Variants in RAB14 observed in about 807,000 individuals in gnomAD.
RAB14 encodes RAB14, member RAS oncogene family, also known as ras-related protein Rab-14.
A neutral mutation model predicts 31.1 loss-of-function variants in RAB14; 3 were observed. The observed-to-expected ratio is 0.10, with a 90% CI of 0.04 to 0.25. The LOEUF (loss-of-function observed/expected upper bound fraction) is 0.25. Ranked by LOEUF, RAB14 falls within the 10% of genes least tolerant of loss-of-function variation. The pLI is 1.00. For synonymous variants in RAB14, 85 were observed against 84.9 expected, an observed-to-expected ratio of 1.00 and a Z score of 0.00; for missense variants, 111 against 260.1, an observed-to-expected ratio of 0.43 and a Z score of 3.94.
At chr9:121,198,950 C>T (rs994146428) in intron 1 of RAB14, among the ~76,000 whole-genome samples, 1 of 151,884 alleles carries the variant, frequency 6.6e-6, no homozygotes, top group Admixed American at 6.6e-5. Flanking sequence ...AAAAAAAAAC[C>T]TTACTTTTGA....
At position 121,190,521 on chromosome 9, in the gene RAB14, T is replaced by C. The variant is rs150501395; in HGVS notation, c.284+33A>G. 3,793 of 1,521,964 alleles carry C rather than the reference T, an allele frequency of 2.5e-3. 11 individuals are homozygous for C. The highest frequency in any genetic ancestry group is 8.7e-3 in the African/African-American group (622 of 71,310). 94.3% of individuals were successfully genotyped at this position (1,521,964 alleles called of 1,614,324 possible). ...TTAAATGCCCAAAGTAGATTTATTT[T>C]CCCCATATGAAGGTTGAAAAATTAT... is the stretch of plus-strand genomic sequence containing the variant. On this transcript the variant is annotated intron_variant, in intron 4 of 7. Transcript: ENST00000373840.
chr9:121,180,269 A>T lies in RAB14; in HGVS notation c.*1127T>A, dbSNP rs2053625878. 1 of 152,654 alleles carries T rather than the reference A, an allele frequency of 6.6e-6. No individual in the cohort carries two copies. Among genetic ancestry groups the T allele is most frequent in the Non-Finnish European group, 1.5e-5 (1 of 68,042 alleles). 9.5% of individuals were successfully genotyped at this position (152,654 alleles called of 1,614,324 possible). On this transcript the variant is annotated 3_prime_UTR_variant, in exon 8 of 8. Transcript: ENST00000373840. Reference sequence around the variant, plus strand: ...TGACTGTCCAGTTCAGAATCTGACCATTCCAAGAAGATAAAGGTATAAAAG... The same window carrying T: ...TGACTGTCCAGTTCAGAATCTGACCTTTCCAAGAAGATAAAGGTATAAAAG...
rs377626060 is a variant in RAB14, at chr9:121,192,080, G to T, written c.106+91C>A. The T allele has an allele frequency of 3.9e-5, 37 of 941,786 alleles. No homozygotes were observed. The African/African-American group carries it at 4.9e-4, about 12-fold the overall frequency. The allele number at this position is 941,786 out of a possible 1,614,324, so 58.3% of individuals were successfully genotyped here. On this transcript the variant is annotated intron_variant, in intron 3 of 7. Transcript: ENST00000373840. Reference sequence around the variant, plus strand: ...ATATAGGGAAAGGTTATATTTAAATGCATGAAGTATACTGAAAATGACACT... The same window carrying T: ...ATATAGGGAAAGGTTATATTTAAATTCATGAAGTATACTGAAAATGACACT...
chr9:121,181,851 G>A (rs908317608), intron 7 of RAB14, among the ~76,000 whole-genome samples: 7 of 145,628 alleles, frequency 4.8e-5, no homozygotes, highest in African/African-American at 1.8e-4. Flanking sequence ...AAGTTCAAGC[G>A]ATTCTCCTGC....
At chr9:121,192,073 T>C (rs567356553) in intron 3 of RAB14, 98 bp downstream of exon 3, 2 of 886,224 alleles carry the variant, frequency 2.3e-6, no homozygotes, top group Non-Finnish European at 3.4e-6. Context: ...AAAGGTTATA[T>C]TTAAATGCAT....
At chr9:121,188,805 C>A (rs1195352268) in intron 4 of RAB14, among the ~76,000 whole-genome samples, 1 of 152,014 alleles carries the variant, frequency 6.6e-6, no homozygotes, top group Non-Finnish European at 1.5e-5. Flanking sequence ...GTTTTTATTA[C>A]AATATAATGA....
At chr9:121,182,198 A>G (rs2053637235) in intron 7 of RAB14, among the ~76,000 whole-genome samples, 1 of 152,236 alleles carries the variant, frequency 6.6e-6, no homozygotes, top group African/African-American at 2.4e-5. Context: ...CATTTCTGTG[A>G]TAACAGAGAG....
chr9:121,195,038 T>G (rs763926918), intron 1 of RAB14, among the ~76,000 whole-genome samples: 3 of 152,130 alleles, frequency 2.0e-5, no homozygotes, highest in Non-Finnish European at 4.4e-5. Flanking sequence ...CTAGTTAGAT[T>G]AACTGATTCT....
At chr9:121,187,448 G>A (rs1180134232) in intron 4 of RAB14, among the ~76,000 whole-genome samples, 2 of 151,982 alleles carry the variant, frequency 1.3e-5, no homozygotes, top group East Asian at 1.9e-4. Flanking sequence ...ACTTTTGCTT[G>A]TCTTTAAATT....
At chr9:121,193,637 A>G (rs1564321402) in intron 1 of RAB14, among the ~76,000 whole-genome samples, 2 of 152,200 alleles carry the variant, frequency 1.3e-5, no homozygotes, top group Non-Finnish European at 2.9e-5. Context: ...CCACAGAAAT[A>G]TAAGAAACCA....
At chr9:121,192,127 C>A (rs763524406) in intron 3 of RAB14, 44 bp downstream of exon 3, 3 of 1,359,888 alleles carry the variant, frequency 2.2e-6, no homozygotes, top group Non-Finnish European at 3.0e-6. Context: ...AGAAACATGG[C>A]GATAAAGAAA....
At chr9:121,184,787 T>C (rs1236361604) in intron 5 of RAB14, among the ~76,000 whole-genome samples, 1 of 152,180 alleles carries the variant, frequency 6.6e-6, no homozygotes, top group East Asian at 1.9e-4. Context: ...ATACTATCCA[T>C]TAGTATTTTA....
chr9:121,197,807 T>TA (rs2053726506), intron 1 of RAB14, among the ~76,000 whole-genome samples: 2 of 152,214 alleles, frequency 1.3e-5, no homozygotes, highest in South Asian at 4.1e-4. Context: ...GCTACAGGTA[T>TA]TAGTGCATTT....
At position 121,178,295 on chromosome 9, in the gene RAB14, T is replaced by G. The variant is rs372686473; in HGVS notation, c.*3101A>C. ...TTTCAAAACAAAACTTGATTTCTTT[T>G]GTATTTACATTTTTTGTTTCAAGTC... On this transcript the variant is annotated 3_prime_UTR_variant, in exon 8 of 8. Transcript: ENST00000373840. 2 of 152,414 alleles carry G rather than the reference T, an allele frequency of 1.3e-5. No individual in the cohort carries two copies. Among genetic ancestry groups the G allele is most frequent in the African/African-American group, 4.8e-5 (2 of 41,582 alleles). 9.4% of individuals were successfully genotyped at this position (152,414 alleles called of 1,614,324 possible). A position where few individuals can be genotyped will look rare whatever the true frequency, so the allele number is the denominator to read the frequency against.
chr9:121,186,507 G>C (rs558467213), intron 5 of RAB14, among the ~76,000 whole-genome samples: 1 of 152,036 alleles, frequency 6.6e-6, no homozygotes, highest in East Asian at 1.9e-4. Context: ...TTTTATTTTT[G>C]ACTGAAATTT....
chr9:121,178,631 T>C lies in RAB14; in HGVS notation c.*2765A>G, dbSNP rs1017600635. On this transcript the variant is annotated 3_prime_UTR_variant, in exon 8 of 8. Transcript: ENST00000373840. ...AATGTATGAAGCTTAACAGCTGGCT[T>C]CAAAAGACACCTTTCCAAAGAAATT... 1.4e-4 allele frequency: 21 copies of C among 152,500 alleles called. No individual in the cohort carries two copies. Among genetic ancestry groups the C allele is most frequent in the African/African-American group, 4.6e-4 (19 of 41,418 alleles). 9.4% of individuals were successfully genotyped at this position (152,500 alleles called of 1,614,324 possible). A position where few individuals can be genotyped will look rare whatever the true frequency, so the allele number is the denominator to read the frequency against.
At chr9:121,181,648 C>A (rs2053633616) in intron 7 of RAB14, 75 bp from the exon 8 acceptor site, 1 of 1,183,330 alleles carries the variant, frequency 8.5e-7, no homozygotes, top group East Asian at 2.5e-5. Flanking sequence ...TTTTGCTAAT[C>A]TTTAGTTAAC....
Position 121,182,973 on chromosome 9 carries a change from T to C in RAB14, c.440-13A>G. On this transcript the variant is annotated splice_polypyrimidine_tract_variant and intron_variant, in intron 6 of 7. Coordinates refer to ENST00000373840, the MANE Select transcript of RAB14 (RefSeq NM_016322.4). ...AGGAACAATAAGCCTAAAAATAAAATTCAGACTATAATTAGGACACTTCAA... is the reference window on the plus strand; with the variant it reads ...AGGAACAATAAGCCTAAAAATAAAACTCAGACTATAATTAGGACACTTCAA... The C allele has an allele frequency of 6.2e-7, 1 of 1,604,250 alleles. No homozygotes were observed.
chr9:121,198,874 T>G (rs1162048995), intron 1 of RAB14, among the ~76,000 whole-genome samples: 1 of 152,024 alleles, frequency 6.6e-6, no homozygotes, highest in African/African-American at 2.4e-5. Context: ...GTTAATCTAA[T>G]AATCTAATCT....
Sources: gnomAD v4.1 joint callset for allele counts (sites outside exome capture counted in the v4.1 genomes callset) on GRCh38, gnomAD v4.1.1 for gene constraint, MANE v1.5 for transcripts, NCBI Gene and HGNC (gene_info 2026-07-23, HGNC 2026-07-21) for gene names.